The following SLC39A9 variants were observed in gnomAD, a reference collection of about 807,000 sequenced individuals.
SLC39A9 encodes the protein solute carrier family 39 member 9, also known as zinc transporter ZIP9.
Under a neutral mutation model 28.4 loss-of-function variants are expected in SLC39A9, and 14 were observed. The observed-to-expected ratio is 0.49, with a 90% confidence interval of 0.33 to 0.77. The LOEUF is 0.77. Ranked by LOEUF, SLC39A9 falls within the 30% of genes least tolerant of loss-of-function variation. SLC39A9 has a pLI of 0.02. For synonymous variants in SLC39A9, 119 were observed against 149.6 expected (o/e 0.80, Z 1.49); for missense variants, 283 against 381.1 (o/e 0.74, Z 2.14).
At chr14:69,455,628 G>T in intron 5 of SLC39A9, 104 bp from the exon 6 acceptor site, 3 of 1,501,620 alleles carry the variant, frequency 2.0e-6, no homozygotes, top group Non-Finnish European at 2.7e-6. Flanking sequence ...CCTTTTGTGA[G>T]TTTTTCTTTG....
chr14:69,459,990 T>A lies in SLC39A9; in HGVS notation c.*1397T>A. On this transcript the variant is annotated 3_prime_UTR_variant, in exon 7 of 7. Transcript: ENST00000336643. ...GTGTAAATTGACACAATCACTAATCTGGTAATTTAAACAATTGAGATAGCA... is the reference window on the plus strand; with the variant it reads ...GTGTAAATTGACACAATCACTAATCAGGTAATTTAAACAATTGAGATAGCA... 4 of 985,196 alleles carry A rather than the reference T, an allele frequency of 4.1e-6. No homozygotes were observed. Among genetic ancestry groups the A allele is most frequent in the Non-Finnish European group, 4.8e-6 (4 of 829,308 alleles). 61.0% of individuals were successfully genotyped at this position (985,196 alleles called of 1,614,324 possible).
chr14:69,456,489 C>T (rs1220779016), intron 6 of SLC39A9, among the ~76,000 whole-genome samples: 1 of 152,144 alleles, frequency 6.6e-6, no homozygotes, highest in Non-Finnish European at 1.5e-5. Context: ...CTCCTCTTCT[C>T]CCAGCTCTCA....
chr14:69,399,758 C>T (rs1314845566), intron 1 of SLC39A9, among the ~76,000 whole-genome samples: 2 of 152,100 alleles, frequency 1.3e-5, no homozygotes, highest in East Asian at 1.9e-4. Flanking sequence ...GAGAGAGGCA[C>T]CATAACATTT....
intron 1 of SLC39A9, among the ~76,000 whole-genome samples, chr14:69,405,208 G>A (rs767419031): frequency 2.0e-5 from 3 of 152,182 alleles, no homozygotes; most frequent in South Asian, 2.1e-4. Flanking sequence ...AACCATATCA[G>A]TGTCTGATTA....
intron 1 of SLC39A9, among the ~76,000 whole-genome samples, chr14:69,400,991 A>G (rs1035569799): frequency 6.6e-6 from 1 of 152,030 alleles, no homozygotes; most frequent in African/African-American, 2.4e-5. Flanking sequence ...AAAAAAAAAA[A>G]AAAAGAAAAT....
intron 2 of SLC39A9, among the ~76,000 whole-genome samples, chr14:69,431,324 G>A (rs983102621): frequency 2.0e-5 from 3 of 151,372 alleles, no homozygotes; most frequent in Admixed American, 6.6e-5. Context: ...GCACTTTTTT[G>A]TAGATTCCTT....
chr14:69,415,958 A>T (rs1334138596), intron 1 of SLC39A9, among the ~76,000 whole-genome samples: 1 of 152,116 alleles, frequency 6.6e-6, no homozygotes, highest in South Asian at 2.1e-4. Flanking sequence ...TATAGGGTAC[A>T]TGTGCACAAT....
At chr14:69,453,826 T>C (rs1395167936) in intron 4 of SLC39A9, among the ~76,000 whole-genome samples, 2 of 152,248 alleles carry the variant, frequency 1.3e-5, no homozygotes, top group Non-Finnish European at 2.9e-5. Flanking sequence ...TCCATCTCTT[T>C]TGTTTTTGTG....
At chr14:69,398,459 A>C (rs1237558811), upstream of SLC39A9, 4 of 611,796 alleles carry the variant, frequency 6.5e-6, no homozygotes, top group Non-Finnish European at 1.2e-5. Context: ...AGGTAAGGGA[A>C]AGTTTCCAAG....
At chr14:69,414,507 GA>G (rs1883461480) in intron 1 of SLC39A9, among the ~76,000 whole-genome samples, 2 of 152,172 alleles carry the variant, frequency 1.3e-5, no homozygotes, top group Admixed American at 6.5e-5. Context: ...TTTAGTATTC[GA>G]ATTAGATCTC....
chr14:69,398,384 AC>A (rs1234319057), upstream of SLC39A9: 17 of 1,041,128 alleles, frequency 1.6e-5, no homozygotes, highest in East Asian at 4.2e-4. Flanking sequence ...TCATAGAGGC[AC>A]AGTCACTTCC....
chr14:69,412,724 A>G (rs1883340705), intron 1 of SLC39A9, among the ~76,000 whole-genome samples: 1 of 152,240 alleles, frequency 6.6e-6, no homozygotes, highest in African/African-American at 2.4e-5. Context: ...GCAGTAAATT[A>G]AAGATCTCTG....
intron 3 of SLC39A9, among the ~76,000 whole-genome samples, chr14:69,451,572 C>T (rs913128224): frequency 2.6e-5 from 4 of 152,156 alleles, no homozygotes; most frequent in African/African-American, 9.7e-5. Context: ...CATTTACAGT[C>T]CATCTGGGGA....
In SLC39A9 at chr14:69,459,556, G is replaced by GTTTTTTTTTTT. The variant is rs61361699; in HGVS notation, c.*967_*977dup. The stretch of plus-strand genomic sequence containing the variant: ...AAATGTATGGTTGTCCTTTTTTTTT[G>GTTTTTTTTTTT]TTTTTTTTTTTTTTAATTATTTCTC... On this transcript the variant is annotated 3_prime_UTR_variant, in exon 7 of 7. Coordinates refer to ENST00000336643, the MANE Select transcript of SLC39A9 (RefSeq NM_018375.5). The GTTTTTTTTTTT allele has an allele frequency of 1.3e-6, 1 of 778,678 alleles. No homozygotes were observed. Among genetic ancestry groups the GTTTTTTTTTTT allele is most frequent in the Non-Finnish European group, 1.5e-6 (1 of 649,294 alleles). 48.2% of individuals were successfully genotyped at this position (778,678 alleles called of 1,614,324 possible).
At chr14:69,403,145 C>G (rs1882727616) in intron 1 of SLC39A9, among the ~76,000 whole-genome samples, 1 of 152,022 alleles carries the variant, frequency 6.6e-6, no homozygotes, top group Non-Finnish European at 1.5e-5. Context: ...ATGCTTTACA[C>G]AAAGGAAGCC....
At chr14:69,439,825 T>C (rs542400522) in intron 2 of SLC39A9, among the ~76,000 whole-genome samples, 2 of 152,332 alleles carry the variant, frequency 1.3e-5, no homozygotes, top group South Asian at 4.1e-4. Flanking sequence ...CCTTCTGCAA[T>C]GATTGGAAGC....
intron 1 of SLC39A9, among the ~76,000 whole-genome samples, chr14:69,400,380 G>A (rs1052937663): frequency 1.3e-5 from 2 of 152,174 alleles, no homozygotes; most frequent in African/African-American, 4.8e-5. Context: ...CGAGGGTCCC[G>A]GGAAGAGGGA....
chr14:69,407,975 A>G (rs1416141271), intron 1 of SLC39A9, among the ~76,000 whole-genome samples: 1 of 151,538 alleles, frequency 6.6e-6, no homozygotes, highest in Non-Finnish European at 1.5e-5. Flanking sequence ...ATTCCTCATC[A>G]TTCTAGTCCC....
chr14:69,418,175 G>T (rs1203352192), intron 1 of SLC39A9, among the ~76,000 whole-genome samples: 1 of 152,146 alleles, frequency 6.6e-6, no homozygotes, highest in Non-Finnish European at 1.5e-5. Flanking sequence ...TTAGCATGAA[G>T]AGCTGTTGAA....
Sources: gnomAD v4.1 joint callset for allele counts (sites outside exome capture counted in the v4.1 genomes callset) on GRCh38, gnomAD v4.1.1 for gene constraint, MANE v1.5 for transcripts, NCBI Gene and HGNC (gene_info 2026-07-23, HGNC 2026-07-21) for gene names.